The following PCCA variants were observed in gnomAD, a reference collection of about 807,000 sequenced individuals.
The protein encoded by PCCA is propionyl-CoA carboxylase alpha chain, mitochondrial.
A neutral mutation model predicts 101.3 loss-of-function variants in PCCA; 74 were observed. The observed-to-expected ratio is 0.73, with a 90% CI of 0.61 to 0.89. The LOEUF is 0.89. PCCA is among the 40% of genes least tolerant of loss of function. The pLI is 0.00. For synonymous variants in PCCA, 294 were observed against 313.6 expected (o/e 0.94, Z 0.66); for missense variants, 891 against 907.0 (o/e 0.98, Z 0.23).
chr13:100,338,597 A>G (rs1457393719), intron 17 of PCCA, among the ~76,000 whole-genome samples: 3 of 151,636 alleles, frequency 2.0e-5, no homozygotes, highest in Non-Finnish European at 4.4e-5. Flanking sequence ...TCTTATATAG[A>G]GTAATTATGT....
At chr13:100,442,516 A>G (rs972108782) in intron 20 of PCCA, among the ~76,000 whole-genome samples, 2 of 152,198 alleles carry the variant, frequency 1.3e-5, no homozygotes, top group Non-Finnish European at 2.9e-5. Context: ...TTTGCCTGGG[A>G]ATGAATCTAA....
chr13:100,347,956 A>T (rs1458808799), intron 18 of PCCA, among the ~76,000 whole-genome samples: 1 of 152,130 alleles, frequency 6.6e-6, no homozygotes, highest in East Asian at 1.9e-4. Context: ...CAGGAAGCAT[A>T]ATCTTGTGTA....
intron 9 of PCCA, among the ~76,000 whole-genome samples, chr13:100,261,753 T>G (rs1321121086): frequency 1.3e-5 from 2 of 152,232 alleles, no homozygotes; most frequent in East Asian, 3.8e-4. Flanking sequence ...TATTTTTATT[T>G]TAAAAAACTA....
intron 18 of PCCA, among the ~76,000 whole-genome samples, chr13:100,341,320 T>G (rs1259264218): frequency 6.6e-6 from 1 of 152,200 alleles, no homozygotes; most frequent in Non-Finnish European, 1.5e-5. Context: ...CAATATAAAC[T>G]TCCTGTGAGC....
intron 18 of PCCA, among the ~76,000 whole-genome samples, chr13:100,346,862 A>C (rs558701882): frequency 3.9e-5 from 6 of 152,006 alleles, no homozygotes; most frequent in African/African-American, 1.4e-4. Context: ...GAGGGTTAGC[A>C]TTTTTTTAGT....
intron 12 of PCCA, among the ~76,000 whole-genome samples, chr13:100,288,356 G>C (rs1376018193): frequency 6.6e-6 from 1 of 152,190 alleles, no homozygotes; most frequent in Non-Finnish European, 1.5e-5. Context: ...GAGTGCAGTG[G>C]TGAGATCCTA....
intron 8 of PCCA, among the ~76,000 whole-genome samples, chr13:100,239,166 A>T (rs551309823): frequency 6.6e-6 from 1 of 152,182 alleles, no homozygotes; most frequent in Admixed American, 6.5e-5. Context: ...CACTTTGGAA[A>T]TGTTGTTTCT....
chr13:100,478,288 T>C (rs2152964589), intron 21 of PCCA, among the ~76,000 whole-genome samples: 1 of 152,328 alleles, frequency 6.6e-6, no homozygotes, highest in Admixed American at 6.5e-5. Flanking sequence ...CTGTGGTCAG[T>C]GGGTCAGACC....
intron 12 of PCCA, among the ~76,000 whole-genome samples, chr13:100,282,925 A>G (rs568581154): frequency 9.2e-5 from 14 of 152,230 alleles, no homozygotes; most frequent in Admixed American, 7.8e-4. Flanking sequence ...AGAAGGAAAT[A>G]AGCAAAGAAA....
At position 100,232,351 on chromosome 13, in the gene PCCA, CGTGTGT is replaced by C. The variant is rs375554722; in HGVS notation, c.601-3455_601-3450del. The stretch of plus-strand genomic sequence containing the variant: ...TTATGTTTATGTGTGTGTGTGTATG[CGTGTGT>C]GTGTGTGTGTGTGTGTGTGTGTGTG... On this transcript the variant is annotated intron_variant, in intron 7 of 23. Transcript: ENST00000376285. Among the ~76,000 whole-genome samples the C allele has an allele frequency of 1.2e-3, 157 of 131,264 alleles. 1 individual carries two copies. The highest frequency in any genetic ancestry group is 3.2e-3 in the African/African-American group (111 of 34,656). The allele number at this position is 131,264 out of a possible 152,430, so 86.1% of individuals were successfully genotyped here.
intron 16 of PCCA, among the ~76,000 whole-genome samples, chr13:100,328,252 A>G (rs949753867): frequency 2.0e-5 from 3 of 151,896 alleles, no homozygotes; most frequent in Admixed American, 1.3e-4. Context: ...AATCCCAGCT[A>G]CTTAGGAGAC....
intron 11 of PCCA, among the ~76,000 whole-genome samples, chr13:100,270,191 T>C (rs566950836): frequency 2.6e-5 from 4 of 152,360 alleles, no homozygotes; most frequent in Non-Finnish European, 5.9e-5. Flanking sequence ...CCTGTGTCTT[T>C]AGGAAGATCC....
At position 100,340,063 on chromosome 13, in the gene PCCA, A is replaced by G; in HGVS notation, c.1541-94A>G. The G allele has an allele frequency of 3.8e-6, 3 of 788,810 alleles. No homozygotes were observed. The South Asian group carries it at 4.2e-5, about 11-fold the overall frequency. 48.9% of individuals were successfully genotyped at this position (788,810 alleles called of 1,614,324 possible). A position where few individuals can be genotyped will look rare whatever the true frequency, so the allele number is the denominator to read the frequency against. On this transcript the variant is annotated intron_variant, in intron 17 of 23. Coordinates refer to ENST00000376285, the MANE Select transcript of PCCA (RefSeq NM_000282.4). ...AGCTGCATAATAGATGCCCTATAAAATACTTGTTTGAATGACTAGTAATTC... is the reference window on the plus strand; with the variant it reads ...AGCTGCATAATAGATGCCCTATAAAGTACTTGTTTGAATGACTAGTAATTC...
At chr13:100,292,039 A>C (rs2065165263) in intron 12 of PCCA, among the ~76,000 whole-genome samples, 1 of 152,188 alleles carries the variant, frequency 6.6e-6, no homozygotes, top group Non-Finnish European at 1.5e-5. Flanking sequence ...GGAGATAGAC[A>C]GCATGGAGTT....
At chr13:100,101,655 A>G (rs565187646) in intron 1 of PCCA, among the ~76,000 whole-genome samples, 91 of 152,260 alleles carry the variant, frequency 6.0e-4, no homozygotes, top group Middle Eastern at 6.8e-3. Flanking sequence ...GCTGGAGTGC[A>G]ATGGCAGGAT....
intron 21 of PCCA, among the ~76,000 whole-genome samples, chr13:100,507,181 A>G (rs142186364): frequency 8.6e-4 from 131 of 152,328 alleles, no homozygotes; most frequent in African/African-American, 3.0e-3. Flanking sequence ...AACAGAATGC[A>G]CATGTTCTAT....
intron 9 of PCCA, among the ~76,000 whole-genome samples, chr13:100,257,930 TA>T (rs2062189436): frequency 6.6e-6 from 1 of 152,202 alleles, no homozygotes; most frequent in Non-Finnish European, 1.5e-5. Flanking sequence ...TTTTACCGTA[TA>T]TTTTTAAAAA....
chr13:100,215,978 A>C (rs558208211), intron 7 of PCCA, among the ~76,000 whole-genome samples: 1 of 152,212 alleles, frequency 6.6e-6, no homozygotes, highest in Admixed American at 6.6e-5. Context: ...TACTTATAAT[A>C]CCCTAAAACA....
At chr13:100,290,866 AACTG>A (rs970714099) in intron 12 of PCCA, among the ~76,000 whole-genome samples, 6 of 152,208 alleles carry the variant, frequency 3.9e-5, no homozygotes, top group African/African-American at 1.4e-4. Flanking sequence ...TCCTATAAGT[AACTG>A]ACTAAATTGT....
Sources: gnomAD v4.1 joint callset for allele counts (sites outside exome capture counted in the v4.1 genomes callset) on GRCh38, gnomAD v4.1.1 for gene constraint, MANE v1.5 for transcripts, NCBI Gene and HGNC (gene_info 2026-07-23, HGNC 2026-07-21) for gene names.